Variants in SH3BGRL observed in about 807,000 individuals in gnomAD.
The protein encoded by SH3BGRL is SH3 domain binding glutamate rich protein like, also known as adapter SH3BGRL.
A neutral mutation model predicts 9.8 loss-of-function variants in SH3BGRL; 7 were observed. The ratio of observed to expected loss-of-function variants is 0.72; its 90% CI spans 0.41 to 1.35. The LOEUF (loss-of-function observed/expected upper bound fraction) is 1.35, where lower values mean the gene tolerates loss of function less well. Ranked by LOEUF, SH3BGRL falls within the 40% of genes most tolerant of loss-of-function variation. The probability of loss-of-function intolerance (pLI) is 0.01; values close to 1 mark genes in which losing one functional copy is unlikely to be tolerated. For missense variants in SH3BGRL, 73 were observed against 84.4 expected (o/e 0.86, Z 0.53); for synonymous variants, 36 against 29.1 (o/e 1.24, Z -0.76).
intron 3 of SH3BGRL, among the ~76,000 whole-genome samples, chrX:81,279,737 G>T (rs1386280152): frequency 1.8e-5 from 2 of 111,002 alleles, no homozygotes; most frequent in Non-Finnish European, 3.8e-5. Context: ...GGATCCATCG[G>T]GAGGGTGGCC....
intron 1 of SH3BGRL, among the ~76,000 whole-genome samples, chrX:81,207,782 G>T (rs1431851016): frequency 9.0e-6 from 1 of 111,708 alleles, no homozygotes; most frequent in Admixed American, 9.5e-5. Flanking sequence ...CAAGATCAGT[G>T]CTTTCAAATT....
chrX:81,202,506 A>C (rs1396647947), intron 1 of SH3BGRL: 1 of 969,454 alleles, frequency 1.0e-6, no homozygotes, highest in Non-Finnish European at 1.3e-6. Flanking sequence ...AAAGCTACCA[A>C]GTTTTGGGAG....
At position 81,298,468 on chromosome X, in the gene SH3BGRL, A is replaced by T. The variant is rs1602635904; in HGVS notation, c.*1241A>T. On this transcript the variant is annotated 3_prime_UTR_variant, in exon 4 of 4. Transcript: ENST00000373212. ...TTACTTTTTGCCAAAATCAACATAT[A>T]ATGAAGAGATGCCTTTGTTTCATGA... is the stretch of plus-strand genomic sequence containing the variant. 1 of 111,376 alleles carries T rather than the reference A, an allele frequency of 9.0e-6. No homozygotes were observed. Among genetic ancestry groups the T allele is most frequent in the East Asian group, 2.8e-4 (1 of 3,563 alleles). 9.2% of individuals were successfully genotyped at this position (111,376 alleles called of 1,213,427 possible).
chrX:81,261,343 A>G (rs939866484), intron 1 of SH3BGRL, among the ~76,000 whole-genome samples: 1 of 111,562 alleles, frequency 9.0e-6, no homozygotes, highest in Non-Finnish European at 1.9e-5. Context: ...AGTGCCTGCT[A>G]TAGCTATTAT....
At chrX:81,279,680 G>A (rs1444136436) in intron 3 of SH3BGRL, among the ~76,000 whole-genome samples, 1 of 111,324 alleles carries the variant, frequency 9.0e-6, no homozygotes, top group East Asian at 2.8e-4. Flanking sequence ...GAAGGCCCTG[G>A]TATCTCGCTG....
At chrX:81,250,223 AC>A (rs2075704787) in intron 1 of SH3BGRL, among the ~76,000 whole-genome samples, 1 of 107,294 alleles carries the variant, frequency 9.3e-6, no homozygotes, top group African/African-American at 3.4e-5. Flanking sequence ...ACATGGTGAA[AC>A]CCCGTTTCTA....
At chrX:81,206,719 T>C (rs1380025544) in intron 1 of SH3BGRL, among the ~76,000 whole-genome samples, 1 of 111,713 alleles carries the variant, frequency 9.0e-6, no homozygotes, top group Non-Finnish European at 1.9e-5. Context: ...AGGGATATTG[T>C]GTCTAAAAGG....
At chrX:81,225,176 G>T (rs189552988) in intron 1 of SH3BGRL, among the ~76,000 whole-genome samples, 1 of 110,786 alleles carries the variant, frequency 9.0e-6, no homozygotes, top group African/African-American at 3.3e-5. Flanking sequence ...TTTAGCCATG[G>T]AAAAGCATTA....
intron 1 of SH3BGRL, among the ~76,000 whole-genome samples, chrX:81,270,227 C>T (rs1390358327): frequency 1.8e-5 from 2 of 111,350 alleles, no homozygotes; most frequent in African/African-American, 3.3e-5. Context: ...TCTGTCTCCT[C>T]GTCAAACTCA....
At chrX:81,227,762 G>A (rs1378023515) in intron 1 of SH3BGRL, among the ~76,000 whole-genome samples, 1 of 111,412 alleles carries the variant, frequency 9.0e-6, no homozygotes, top group Non-Finnish European at 1.9e-5. Context: ...TATAATTCTT[G>A]TAAGCCGAAT....
intron 1 of SH3BGRL, among the ~76,000 whole-genome samples, chrX:81,254,309 T>C (rs777067580): frequency 1.8e-5 from 2 of 111,870 alleles, no homozygotes; most frequent in Non-Finnish European, 3.8e-5. Context: ...AGGTAATATA[T>C]GGCAGTTGTT....
chrX:81,295,886 C>T (rs947833052), intron 3 of SH3BGRL, among the ~76,000 whole-genome samples: 1 of 111,588 alleles, frequency 9.0e-6, no homozygotes, highest in African/African-American at 3.3e-5. Context: ...TTCTTCTGAG[C>T]CCTCCAAATT....
At position 81,298,506 on chromosome X, in the gene SH3BGRL, A is replaced by T. The variant is rs966576256; in HGVS notation, c.*1279A>T. Reference sequence around the variant, plus strand: ...CTTTGTTTCATGAGATTCAAACTTGATGCTATGCTTTAAAATAAACTCAGT... The same window carrying T: ...CTTTGTTTCATGAGATTCAAACTTGTTGCTATGCTTTAAAATAAACTCAGT... On this transcript the variant is annotated 3_prime_UTR_variant, in exon 4 of 4. Transcript: ENST00000373212. 14 of 111,627 alleles carry T rather than the reference A, an allele frequency of 1.3e-4. No individual in the cohort carries two copies. Among genetic ancestry groups the T allele is most frequent in the Non-Finnish European group, 2.6e-4 (14 of 52,844 alleles). 9.2% of individuals were successfully genotyped at this position (111,627 alleles called of 1,213,427 possible).
At chrX:81,212,252 A>T (rs939663783) in intron 1 of SH3BGRL, among the ~76,000 whole-genome samples, 1 of 111,296 alleles carries the variant, frequency 9.0e-6, no homozygotes, top group Non-Finnish European at 1.9e-5. Flanking sequence ...AAATAAAAAA[A>T]AAAGAATAAA....
chrX:81,209,842 A>T (rs2075558094), intron 1 of SH3BGRL, among the ~76,000 whole-genome samples: 1 of 111,420 alleles, frequency 9.0e-6, no homozygotes, highest in South Asian at 3.8e-4. Flanking sequence ...AATCAAATGA[A>T]TTCATCGAGG....
rs762055194 is a variant in SH3BGRL, at chrX:81,202,176, A to G, written c.-25A>G. On this transcript the variant is annotated 5_prime_UTR_variant, in exon 1 of 4. Transcript: ENST00000373212. ...GCTCCACAGCCCTTTTCAGGACCCA[A>G]ACAACCGCAGCCGCTGTTCCCAGGA... is the stretch of plus-strand genomic sequence containing the variant. 43 of 1,205,019 alleles carry G rather than the reference A, an allele frequency of 3.6e-5. No homozygotes were observed. The highest frequency in any genetic ancestry group is 4.6e-5 in the Non-Finnish European group (41 of 892,443).
intron 1 of SH3BGRL, among the ~76,000 whole-genome samples, chrX:81,244,311 A>G (rs1340991388): frequency 1.8e-5 from 2 of 111,958 alleles, no homozygotes; most frequent in East Asian, 5.6e-4. Context: ...TCAATCAGTT[A>G]TAGGGCTGTA....
intron 1 of SH3BGRL, among the ~76,000 whole-genome samples, chrX:81,263,613 T>A (rs2075747535): frequency 8.9e-6 from 1 of 111,809 alleles, no homozygotes; most frequent in Non-Finnish European, 1.9e-5. Context: ...GGAACTTTTC[T>A]CTGTCCATGC....
chrX:81,211,580 C>T (rs1419974308), intron 1 of SH3BGRL, among the ~76,000 whole-genome samples: 1 of 110,290 alleles, frequency 9.1e-6, no homozygotes, highest in Non-Finnish European at 1.9e-5. Context: ...GAGCGAGACT[C>T]CGTCTCAAAA....
Sources: allele counts gnomAD v4.1 joint callset (sites outside exome capture counted in the v4.1 genomes callset), GRCh38; gene constraint gnomAD v4.1.1; transcripts MANE v1.5; gene names NCBI Gene and HGNC (gene_info 2026-07-23, HGNC 2026-07-21).